Variants in MGLL observed in about 807,000 individuals in gnomAD.
MGLL encodes the protein lysophospholipase homolog.
MGLL carries 7 observed loss-of-function variants against 29.1 expected under a neutral mutation model. The ratio of observed to expected loss-of-function variants is 0.24; its 90% CI spans 0.14 to 0.45. MGLL has a LOEUF of 0.45. Ranked by LOEUF, MGLL falls within the 20% of genes least tolerant of loss-of-function variation. The pLI, the probability that MGLL is intolerant of heterozygous loss-of-function variation, is 0.99. For synonymous variants in MGLL, 148 were observed against 168.3 expected, an observed-to-expected ratio of 0.88 and a Z score of 0.93; for missense variants, 356 against 413.6, an observed-to-expected ratio of 0.86 and a Z score of 1.21.
intron 5 of MGLL, among the ~76,000 whole-genome samples, chr3:127,716,396 G>A (rs550302166): frequency 5.9e-5 from 9 of 152,278 alleles, no homozygotes; most frequent in Admixed American, 4.6e-4. Flanking sequence ...GCCCTAAGGA[G>A]AGGCCCAATA....
At chr3:127,703,879 A>G (rs2075547000) in intron 6 of MGLL, among the ~76,000 whole-genome samples, 1 of 152,224 alleles carries the variant, frequency 6.6e-6, no homozygotes, top group African/African-American at 2.4e-5. Flanking sequence ...AACAAATAAC[A>G]AACAACCCAA....
chr3:127,725,009 GC>G (rs966440651), intron 3 of MGLL, among the ~76,000 whole-genome samples: 2 of 151,882 alleles, frequency 1.3e-5, no homozygotes, highest in Non-Finnish European at 2.9e-5. Flanking sequence ...TTCATCCACA[GC>G]CCCCAAGCTG....
At chr3:127,775,752 G>C (rs2107701123) in intron 3 of MGLL, among the ~76,000 whole-genome samples, 1 of 152,350 alleles carries the variant, frequency 6.6e-6, no homozygotes. Flanking sequence ...TGCGTGTTAG[G>C]AAGTCAGGAG....
At chr3:127,735,658 T>C in intron 3 of MGLL, 2 of 1,564,158 alleles carry the variant, frequency 1.3e-6, no homozygotes. Context: ...TCACCTCCTG[T>C]CTACTCATCA....
chr3:127,818,812 A>G (rs1482458352), intron 2 of MGLL, among the ~76,000 whole-genome samples: 1 of 152,190 alleles, frequency 6.6e-6, no homozygotes, highest in Non-Finnish European at 1.5e-5. Flanking sequence ...GAATAATAAT[A>G]CTTGTCTCAC....
intron 3 of MGLL, chr3:127,736,158 A>G (rs1234259246): frequency 1.9e-6 from 2 of 1,077,056 alleles, no homozygotes; most frequent in African/African-American, 1.7e-5. Context: ...GACACCTGGC[A>G]ACCCAAGTTT....
intron 6 of MGLL, among the ~76,000 whole-genome samples, chr3:127,699,488 A>C (rs2075436964): frequency 6.6e-6 from 1 of 152,210 alleles, no homozygotes. Context: ...TTGCTCATTT[A>C]ATCTTCACAG....
intron 3 of MGLL, among the ~76,000 whole-genome samples, chr3:127,781,513 G>A (rs928256028): frequency 6.6e-6 from 1 of 152,202 alleles, no homozygotes; most frequent in African/African-American, 2.4e-5. Context: ...ATAAATGCAG[G>A]AAAGAATTCC....
At chr3:127,746,996 A>C (rs758086064) in intron 3 of MGLL, among the ~76,000 whole-genome samples, 1 of 152,084 alleles carries the variant, frequency 6.6e-6, no homozygotes, top group Non-Finnish European at 1.5e-5. Context: ...CCTGTTCTCG[A>C]TTGCTGATGG....
chr3:127,732,466 A>T (rs73859595), intron 3 of MGLL, among the ~76,000 whole-genome samples: 14 of 152,334 alleles, frequency 9.2e-5, no homozygotes, highest in African/African-American at 3.4e-4. Context: ...AGGGCAAAAC[A>T]CAGCAGGAAG....
chr3:127,763,161 G>A (rs1375732159), intron 3 of MGLL, among the ~76,000 whole-genome samples: 1 of 152,176 alleles, frequency 6.6e-6, no homozygotes, highest in Non-Finnish European at 1.5e-5. Flanking sequence ...AGGGTGCAGC[G>A]ATGTGGATTC....
At chr3:127,702,506 A>G (rs964789568) in intron 6 of MGLL, among the ~76,000 whole-genome samples, 1 of 152,252 alleles carries the variant, frequency 6.6e-6, no homozygotes, top group African/African-American at 2.4e-5. Context: ...CCATTTGGAA[A>G]GAAGATGTTG....
At chr3:127,699,229 T>C (rs1400741295) in intron 6 of MGLL, among the ~76,000 whole-genome samples, 22 of 152,228 alleles carry the variant, frequency 1.4e-4, no homozygotes, top group Admixed American at 1.4e-3. Flanking sequence ...ACTGTCTCTC[T>C]GTGGGAAGAA....
rs148191199 is a variant in MGLL, at chr3:127,802,774, C to T, written c.155+18920G>A. 4.1e-3 allele frequency among the ~76,000 whole-genome samples: 626 copies of T among 152,294 alleles called. 7 individuals are homozygous for T. Among genetic ancestry groups the T allele is most frequent in the African/African-American group, 0.015 (603 of 41,552 alleles). The stretch of plus-strand genomic sequence containing the variant: ...ATGCCAAAGGGCTCCTCTGAGGCGA[C>T]ATTTAGATCAATATTTGGAACTGCC... On this transcript the variant is annotated intron_variant, in intron 2 of 7. Coordinates refer to ENST00000265052, the MANE Select transcript of MGLL (RefSeq NM_007283.7).
Position 127,786,673 on chromosome 3 carries a change from C to G in MGLL, c.156-4778G>C, listed in dbSNP as rs143184332. 2.1e-3 allele frequency among the ~76,000 whole-genome samples: 327 copies of G among 152,350 alleles called. 5 individuals are homozygous for G. The highest frequency in any genetic ancestry group is 7.5e-3 in the African/African-American group (313 of 41,578). The stretch of plus-strand genomic sequence containing the variant: ...TCGAAAAACGAATGCCCCTTTTATG[C>G]CTTTGTTTATTAATCAGGTGACCTA... On this transcript the variant is annotated intron_variant, in intron 2 of 7. Coordinates refer to ENST00000265052, the MANE Select transcript of MGLL (RefSeq NM_007283.7).
intron 2 of MGLL, among the ~76,000 whole-genome samples, chr3:127,797,010 G>A (rs567490383): frequency 1.8e-4 from 27 of 152,154 alleles, no homozygotes; most frequent in Admixed American, 3.3e-4. Context: ...TCTGGAAGGC[G>A]GATGCCTTAC....
intron 2 of MGLL, among the ~76,000 whole-genome samples, chr3:127,797,260 C>G (rs926005073): frequency 5.2e-4 from 79 of 152,222 alleles, no homozygotes; most frequent in African/African-American, 1.8e-3. Context: ...CTGGGACATT[C>G]TGTGTGGCTG....
At chr3:127,780,987 T>C (rs1420481033) in intron 3 of MGLL, among the ~76,000 whole-genome samples, 1 of 152,228 alleles carries the variant, frequency 6.6e-6, no homozygotes, top group Non-Finnish European at 1.5e-5. Context: ...ATTACAAAAC[T>C]ACATACCGAC....
intron 3 of MGLL, among the ~76,000 whole-genome samples, chr3:127,774,117 G>A (rs1161038992): frequency 6.6e-6 from 1 of 152,176 alleles, no homozygotes; most frequent in East Asian, 1.9e-4. Flanking sequence ...GGGCCCACAA[G>A]GCCCCTGCCC....
Sources: gnomAD v4.1 joint callset for allele counts (sites outside exome capture counted in the v4.1 genomes callset) on GRCh38, gnomAD v4.1.1 for gene constraint, MANE v1.5 for transcripts, NCBI Gene and HGNC (gene_info 2026-07-23, HGNC 2026-07-21) for gene names.